The following TBL1XR1 variants were observed in gnomAD, a reference collection of about 807,000 sequenced individuals.
TBL1XR1 encodes the protein F-box-like/WD repeat-containing protein TBL1XR1.
A neutral mutation model predicts 66.9 loss-of-function variants in TBL1XR1; 5 were observed. That is an observed-to-expected ratio of 0.07 (90% CI 0.04 to 0.16). The LOEUF is 0.16. Among genes scored for constraint, TBL1XR1 ranks in the 10% least tolerant of loss-of-function variants. The pLI, the probability that TBL1XR1 is intolerant of heterozygous loss-of-function variation, is 1.00. For synonymous variants in TBL1XR1, 210 were observed against 206.0 expected (o/e 1.02, Z -0.17); for missense variants, 238 against 623.2 (o/e 0.38, Z 6.58).
At chr3:177,121,136 C>G (rs1398046626) in intron 1 of TBL1XR1, among the ~76,000 whole-genome samples, 1 of 152,146 alleles carries the variant, frequency 6.6e-6, no homozygotes, top group African/African-American at 2.4e-5. Flanking sequence ...CTAACATTTT[C>G]ATTCCTATAA....
intron 1 of TBL1XR1, among the ~76,000 whole-genome samples, chr3:177,167,044 G>A (rs868688866): frequency 3.9e-5 from 6 of 152,200 alleles, no homozygotes; most frequent in African/African-American, 1.2e-4. Context: ...AAACCGGTAC[G>A]TGGATGTTTA....
At chr3:177,179,274 A>C (rs1000660848) in intron 1 of TBL1XR1, among the ~76,000 whole-genome samples, 4 of 152,304 alleles carry the variant, frequency 2.6e-5, no homozygotes, top group African/African-American at 7.2e-5. Context: ...TGTTTCATTC[A>C]GCTCTTAGTG....
rs978580340 is a variant in TBL1XR1, at chr3:177,153,391, T to C, written c.-122+43730A>G. Among the ~76,000 whole-genome samples, 10 of 152,156 alleles carry C rather than the reference T, an allele frequency of 6.6e-5. 1 individual carries two copies. Among genetic ancestry groups the C allele is most frequent in the African/African-American group, 2.4e-4 (10 of 41,428 alleles). On this transcript the variant is annotated intron_variant, in intron 1 of 15. Transcript: ENST00000457928. ...GAGTGCCCAAACTAGTAAATACGCATGCACATATAAGACTTTTCATTTCAA... is the reference window on the plus strand; with the variant it reads ...GAGTGCCCAAACTAGTAAATACGCACGCACATATAAGACTTTTCATTTCAA...
intron 1 of TBL1XR1, among the ~76,000 whole-genome samples, chr3:177,133,794 C>T (rs1206119902): frequency 6.9e-6 from 1 of 144,006 alleles, no homozygotes; most frequent in Non-Finnish European, 1.5e-5. Flanking sequence ...CCCAGCCACT[C>T]GGGAGGGTGA....
intron 14 of TBL1XR1, among the ~76,000 whole-genome samples, chr3:177,028,541 C>G (rs1366685605): frequency 6.6e-6 from 1 of 152,060 alleles, no homozygotes; most frequent in African/African-American, 2.4e-5. Context: ...AACATAAAAA[C>G]CATAAGGCAC....
chr3:177,135,338 CATATATATATATATATAT>C lies in TBL1XR1; in HGVS notation c.-121-36815_-121-36798del, dbSNP rs1177634107. On this transcript the variant is annotated intron_variant, in intron 1 of 15. Transcript: ENST00000457928. ...GTGTGTGTGTGTGTGTGTGTGTATA[CATATATATATATATATAT>C]ATATATATATATATATATATATATA... Among the ~76,000 whole-genome samples, 32 of 22,480 alleles carry C rather than the reference CATATATATATATATATAT, an allele frequency of 1.4e-3. No individual in the cohort carries two copies. The East Asian group carries it at 0.021, about 14-fold the overall frequency. The allele number at this position is 22,480 out of a possible 152,430, so 14.7% of individuals were successfully genotyped here.
chr3:177,119,755 C>T (rs1726758174), intron 1 of TBL1XR1, among the ~76,000 whole-genome samples: 1 of 152,194 alleles, frequency 6.6e-6, no homozygotes, highest in Non-Finnish European at 1.5e-5. Context: ...CTAGAAGCTC[C>T]AGAATCAACC....
intron 1 of TBL1XR1, among the ~76,000 whole-genome samples, chr3:177,135,307 C>G (rs1260396658): frequency 1.4e-5 from 1 of 72,596 alleles, no homozygotes. Context: ...AGGCCGCACT[C>G]TGTGTGTGTG....
chr3:177,062,212 TCAG>T (rs1399729893), intron 3 of TBL1XR1, among the ~76,000 whole-genome samples: 1 of 152,232 alleles, frequency 6.6e-6, no homozygotes, highest in Non-Finnish European at 1.5e-5. Context: ...AGCCCAAACC[TCAG>T]CAGATGTACA....
chr3:177,074,794 C>G (rs558931157), intron 2 of TBL1XR1, among the ~76,000 whole-genome samples: 67 of 152,274 alleles, frequency 4.4e-4, no homozygotes, highest in African/African-American at 1.3e-3. Context: ...TTCCAAGGAA[C>G]TTACTTATAT....
chr3:177,112,114 T>A (rs868714438), intron 1 of TBL1XR1, among the ~76,000 whole-genome samples: 57 of 114,840 alleles, frequency 5.0e-4, no homozygotes, highest in East Asian at 1.5e-3. Context: ...TATATTTTTT[T>A]TTTTTTTTTT....
chr3:177,166,922 T>A (rs1042720682), intron 1 of TBL1XR1, among the ~76,000 whole-genome samples: 1 of 152,168 alleles, frequency 6.6e-6, no homozygotes, highest in Admixed American at 6.5e-5. Context: ...TACCGCCACT[T>A]TGGGAGACAG....
intron 1 of TBL1XR1, among the ~76,000 whole-genome samples, chr3:177,193,079 G>C (rs562329138): frequency 6.6e-6 from 1 of 152,058 alleles, no homozygotes; most frequent in East Asian, 1.9e-4. Flanking sequence ...CTTGAACCCA[G>C]GAGGCGGAGG....
intron 1 of TBL1XR1, among the ~76,000 whole-genome samples, chr3:177,168,251 G>C (rs183721018): frequency 6.7e-6 from 1 of 149,972 alleles, no homozygotes; most frequent in East Asian, 2.0e-4. Flanking sequence ...AAGTTAAAAA[G>C]AATCAACATG....
intron 1 of TBL1XR1, among the ~76,000 whole-genome samples, chr3:177,166,302 G>A (rs1732816219): frequency 1.3e-5 from 2 of 152,048 alleles, no homozygotes; most frequent in African/African-American, 4.8e-5. Flanking sequence ...CACCAATAGG[G>A]AAACATACAA....
chr3:177,031,879 G>T (rs1403947487), intron 14 of TBL1XR1, among the ~76,000 whole-genome samples: 4 of 151,942 alleles, frequency 2.6e-5, no homozygotes, highest in African/African-American at 7.2e-5. Context: ...AAAGGGTTTA[G>T]TTTTTTAGTC....
intron 1 of TBL1XR1, among the ~76,000 whole-genome samples, chr3:177,175,121 C>G (rs572523617): frequency 4.5e-4 from 69 of 152,284 alleles, no homozygotes; most frequent in African/African-American, 1.6e-3. Context: ...TCAATTAGCA[C>G]TTAATATAAG....
In TBL1XR1 at chr3:177,062,649, A is replaced by C. The variant is rs969731441; in HGVS notation, c.58+2271T>G. 3.9e-5 allele frequency among the ~76,000 whole-genome samples: 6 copies of C among 152,216 alleles called. No individual in the cohort carries two copies. In the South Asian group the frequency reaches 1.2e-3, roughly 31 times the overall value. ...TTTAGAGATGTGATTTAGCATCACC[A>C]CTACACTGTAAAGTCTAAAACTTTC... On this transcript the variant is annotated intron_variant, in intron 3 of 15. Transcript: ENST00000457928.
intron 1 of TBL1XR1, among the ~76,000 whole-genome samples, chr3:177,099,723 C>T (rs1723954911): frequency 6.6e-6 from 1 of 152,206 alleles, no homozygotes. Context: ...GTTCTTTACA[C>T]ATCATGACTA....
Sources: allele counts gnomAD v4.1 joint callset (sites outside exome capture counted in the v4.1 genomes callset), GRCh38; gene constraint gnomAD v4.1.1; transcripts MANE v1.5; gene names NCBI Gene and HGNC (gene_info 2026-07-23, HGNC 2026-07-21).